PDE5A: variants seen among roughly 807,000 people sequenced by gnomAD.
The protein encoded by PDE5A is cGMP-specific 3',5'-cyclic phosphodiesterase.
PDE5A carries 67 observed loss-of-function variants against 110.2 expected under a neutral mutation model. The observed-to-expected ratio is 0.61, with a 90% confidence interval of 0.50 to 0.75. PDE5A has a LOEUF of 0.75. PDE5A is among the 30% of genes least tolerant of loss of function. The probability of loss-of-function intolerance (pLI) is 0.00; values close to 1 mark genes in which losing one functional copy is unlikely to be tolerated. For missense variants in PDE5A, 862 were observed against 1,045.1 expected, an observed-to-expected ratio of 0.82 and a Z score of 2.42; for synonymous variants, 328 against 351.2, an observed-to-expected ratio of 0.93 and a Z score of 0.74.
rs1276998779 is a variant in PDE5A at position 119,575,782 on chromosome 4, C to T, written c.832-8638G>A. Among the ~76,000 whole-genome samples, 14 of 152,282 alleles carry T rather than the reference C, an allele frequency of 9.2e-5. No homozygotes were observed. In the East Asian group the frequency reaches 1.3e-3, roughly 15 times the overall value. Reference sequence around the variant, plus strand: ...GCTAGGAAGAAACTGCATCAACTAACGAGTAAAATAACCAGCTAACATTAT... The same window carrying T: ...GCTAGGAAGAAACTGCATCAACTAATGAGTAAAATAACCAGCTAACATTAT... On this transcript the variant is annotated intron_variant, in intron 3 of 20. Coordinates refer to ENST00000354960, the MANE Select transcript of PDE5A (RefSeq NM_001083.4).
At position 119,628,082 on chromosome 4, in the gene PDE5A, AG is replaced by A. The variant is rs537346469; in HGVS notation, c.152+437del. On this transcript the variant is annotated intron_variant, in intron 1 of 20. Coordinates refer to ENST00000354960, the MANE Select transcript of PDE5A (RefSeq NM_001083.4). The stretch of plus-strand genomic sequence containing the variant: ...TCCCCGCCCAGCCAGGGCCAGGGCG[AG>A]GGGGGACGGGGGAGGAGCGGAGCCA... 1.7e-3 allele frequency: 1,639 copies of A among 978,010 alleles called. 28 individuals carry two copies. The African/African-American group carries it at 0.026, about 16-fold the overall frequency. 60.6% of individuals were successfully genotyped at this position (978,010 alleles called of 1,614,324 possible).
rs199582833 is a variant in PDE5A, at chr4:119,607,120, A to G, written c.330T>C (p.Leu110=). ...CAGAATCCTTGACAACAATGGGTCT[A>G]AGAGGCCGGTCAAATTCAGAGGCAG... The part of the protein sequence containing the change: ...KISASEFDRP[L]RPIVVKDSEG... Residue 110 remains leucine, a synonymous_variant, in exon 2 of 21, where the codon CTT becomes CTC. Coordinates refer to ENST00000354960, the MANE Select transcript of PDE5A (RefSeq NM_001083.4). The G allele has an allele frequency of 4.6e-5, 74 of 1,614,058 alleles. No individual in the cohort carries two copies. Among genetic ancestry groups the G allele is most frequent in the Non-Finnish European group, 5.9e-5 (70 of 1,180,036 alleles).
chr4:119,529,669 T>C (rs1380458664), intron 11 of PDE5A, among the ~76,000 whole-genome samples: 1 of 152,158 alleles, frequency 6.6e-6, no homozygotes, highest in East Asian at 1.9e-4. Context: ...CTAGGACTTA[T>C]TCCTGGGATG....
intron 14 of PDE5A, chr4:119,513,068 C>T (rs1472471245): frequency 6.6e-6 from 1 of 152,058 alleles, no homozygotes; most frequent in African/African-American, 2.4e-5. Flanking sequence ...CTCAATCCCA[C>T]CTCTTACTCA....
intron 3 of PDE5A, among the ~76,000 whole-genome samples, chr4:119,592,456 T>TAAAAAAAAAAAAAAAAAAAA (rs55997249): frequency 1.5e-5 from 1 of 66,184 alleles, no homozygotes; most frequent in African/African-American, 6.5e-5. Context: ...AGACTCTGTT[T>TAAAAAAAAAAAAAAAAAAAA]AAAAAAAAAA....
At position 119,558,765 on chromosome 4, in the gene PDE5A, A is replaced by G. The variant is rs57626475; in HGVS notation, c.1199+1531T>C. On this transcript the variant is annotated intron_variant, in intron 7 of 20. Coordinates refer to ENST00000354960, the MANE Select transcript of PDE5A (RefSeq NM_001083.4). ...ACCCCGTCTCTACTAAAAATACAAA[A>G]AATTAGCCGGGCGTAGTGGCGGGCG... Among the ~76,000 whole-genome samples the G allele has an allele frequency of 9.7e-3, 1,470 of 152,070 alleles. 24 individuals are homozygous for G. Among genetic ancestry groups the G allele is most frequent in the African/African-American group, 0.033 (1,384 of 41,494 alleles).
intron 15 of PDE5A, among the ~76,000 whole-genome samples, chr4:119,510,384 T>C (rs1725694998): frequency 6.6e-6 from 1 of 152,088 alleles, no homozygotes; most frequent in African/African-American, 2.4e-5. Context: ...ATGTTCAATG[T>C]AATAGTTAAA....
intron 2 of PDE5A, among the ~76,000 whole-genome samples, chr4:119,605,840 C>T (rs991883967): frequency 2.0e-5 from 3 of 152,118 alleles, no homozygotes; most frequent in African/African-American, 7.2e-5. Flanking sequence ...ACCAGGAACA[C>T]AATAAAACAG....
rs555917435 is a variant in PDE5A at position 119,627,936 on chromosome 4, A to C, written c.152+584T>G. 5.6e-6 allele frequency: 3 copies of C among 531,728 alleles called. No homozygotes were observed. Among genetic ancestry groups the C allele is most frequent in the Non-Finnish European group, 7.2e-6 (3 of 414,750 alleles). 32.9% of individuals were successfully genotyped at this position (531,728 alleles called of 1,614,324 possible). On this transcript the variant is annotated intron_variant, in intron 1 of 20. Transcript: ENST00000354960. The surrounding 1 kb of genome is among the most constrained non-coding windows in gnomAD (Gnocchi z 4.6). ...ACAGCCTTCGGCGGAAAAGCGAGTG[A>C]AAGGAGGCGCGCGGGACAAGCAGGA... is the stretch of plus-strand genomic sequence containing the variant.
chr4:119,602,557 CT>C (rs1381110954), intron 2 of PDE5A, among the ~76,000 whole-genome samples: 1 of 152,218 alleles, frequency 6.6e-6, no homozygotes, highest in African/African-American at 2.4e-5. Flanking sequence ...AGTTCCCAAA[CT>C]GTGTTCCCAG....
At chr4:119,601,978 G>A (rs1484910149) in intron 2 of PDE5A, among the ~76,000 whole-genome samples, 1 of 152,014 alleles carries the variant, frequency 6.6e-6, no homozygotes, top group African/African-American at 2.4e-5. Flanking sequence ...ATGGAGGGGA[G>A]ACTAAACAGA....
chr4:119,591,871 GC>G (rs1266052356), intron 3 of PDE5A, among the ~76,000 whole-genome samples: 3 of 152,064 alleles, frequency 2.0e-5, no homozygotes, highest in Admixed American at 2.0e-4. Context: ...TGTGTTCTGG[GC>G]CGGGCGCAGT....
rs1725107338 is a variant in PDE5A, at chr4:119,497,168, C to A, written c.*1433G>T. On this transcript the variant is annotated 3_prime_UTR_variant, in exon 21 of 21. Transcript: ENST00000354960. ...CCAAATTAGTGATAGAAACTCAGAT[C>A]AAATATCTTTTTTGTGGGTTGGAGG... 1 of 152,058 alleles carries A rather than the reference C, an allele frequency of 6.6e-6. No individual in the cohort carries two copies. 9.4% of individuals were successfully genotyped at this position (152,058 alleles called of 1,614,324 possible).
At chr4:119,548,754 A>G (rs1028718048) in intron 9 of PDE5A, 1 of 152,154 alleles carries the variant, frequency 6.6e-6, no homozygotes, top group Admixed American at 6.5e-5. Flanking sequence ...CTAAACTATA[A>G]TATCTTAATT....
chr4:119,560,438 C>T, intron 6 of PDE5A, 75 bp from the exon 7 acceptor site: 2 of 861,964 alleles, frequency 2.3e-6, no homozygotes, highest in Non-Finnish European at 3.5e-6. Flanking sequence ...GACATACATG[C>T]TATGGAATTG....
intron 1 of PDE5A, among the ~76,000 whole-genome samples, chr4:119,622,858 C>T (rs1186162899): frequency 6.0e-5 from 6 of 99,750 alleles, no homozygotes; most frequent in East Asian, 3.0e-4. Flanking sequence ...AGCAATACTC[C>T]GTCTCGAAAA....
At chr4:119,501,605 A>G (rs1333711227) in intron 19 of PDE5A, among the ~76,000 whole-genome samples, 1 of 152,224 alleles carries the variant, frequency 6.6e-6, no homozygotes, top group Non-Finnish European at 1.5e-5. Flanking sequence ...ATTTATTTAA[A>G]GAACACAAAG....
rs1725000139 is a variant in PDE5A, at chr4:119,494,765, C to T, written c.*3836G>A. ...ATATTAACAGTGGCTAGTGATGCCT[C>T]ATAAGGTTTTCTTAAACTGTAATAT... On this transcript the variant is annotated 3_prime_UTR_variant, in exon 21 of 21. Transcript: ENST00000354960. 3 of 152,636 alleles carry T rather than the reference C, an allele frequency of 2.0e-5. No individual in the cohort carries two copies. Among genetic ancestry groups the T allele is most frequent in the Non-Finnish European group, 4.4e-5 (3 of 67,998 alleles). 9.5% of individuals were successfully genotyped at this position (152,636 alleles called of 1,614,324 possible). A position where few individuals can be genotyped will look rare whatever the true frequency, so the allele number is the denominator to read the frequency against.
intron 2 of PDE5A, among the ~76,000 whole-genome samples, chr4:119,599,712 T>TACACACA (rs1729272865): frequency 6.8e-6 from 1 of 147,240 alleles, no homozygotes; most frequent in Non-Finnish European, 1.5e-5. Flanking sequence ...CAAGTGTGTA[T>TACACACA]ACACACACAC....
Sources: gnomAD v4.1 joint callset for allele counts (sites outside exome capture counted in the v4.1 genomes callset) on GRCh38, gnomAD v4.1.1 for gene constraint, Gnocchi (gnomAD v3.1) non-coding constraint, MANE v1.5 for transcripts, NCBI Gene and HGNC (gene_info 2026-07-23, HGNC 2026-07-21) for gene names.